PCSK1: variants seen among roughly 807,000 people sequenced by gnomAD.
PCSK1 encodes proprotein convertase subtilisin/kexin type 1, also known as neuroendocrine convertase 1.
In PCSK1, 56 loss-of-function variants were observed where a neutral mutation model predicts 90.6. The observed-to-expected ratio is 0.62, with a 90% CI of 0.50 to 0.77. The LOEUF (loss-of-function observed/expected upper bound fraction) is 0.77. PCSK1 is among the 30% of genes least tolerant of loss of function. The pLI, the probability that PCSK1 is intolerant of heterozygous loss-of-function variation, is 0.00. For missense variants in PCSK1, 801 were observed against 932.6 expected, an observed-to-expected ratio of 0.86 and a Z score of 1.84; for synonymous variants, 348 against 342.4, an observed-to-expected ratio of 1.02 and a Z score of -0.18.
chr5:96,390,671 G>T lies in PCSK1; in HGVS notation c.*2330C>A. The T allele has an allele frequency of 6.6e-6, 1 of 152,554 alleles. No individual in the cohort carries two copies. The allele number at this position is 152,554 out of a possible 1,614,324, so 9.5% of individuals were successfully genotyped here. On this transcript the variant is annotated 3_prime_UTR_variant, in exon 14 of 14. Transcript: ENST00000311106. ...TATTATGCTCTTTAAAATTCTGTTTGATAAAAGCATTGGTATATTATAAAT... is the reference window on the plus strand; with the variant it reads ...TATTATGCTCTTTAAAATTCTGTTTTATAAAAGCATTGGTATATTATAAAT...
intron 11 of PCSK1, 62 bp from the exon 12 acceptor site, chr5:96,397,531 C>CA: frequency 7.0e-7 from 1 of 1,420,938 alleles, no homozygotes; most frequent in Non-Finnish European, 9.9e-7. Context: ...TACACTCTAG[C>CA]ATCTGATAAC....
At chr5:96,432,013 TACCTATCGACCAAGCCTTC>T in intron 1 of PCSK1, 2 of 1,102,098 alleles carry the variant, frequency 1.8e-6, no homozygotes, top group East Asian at 5.1e-5. Flanking sequence ...TCCAACCAGC[TACCTATCGACCAAGCCTTC>T]ACTTGGACAG....
intron 9 of PCSK1, among the ~76,000 whole-genome samples, chr5:96,405,842 C>G (rs1171646273): frequency 6.6e-6 from 1 of 152,126 alleles, no homozygotes; most frequent in Non-Finnish European, 1.5e-5. Flanking sequence ...CTATATTGGT[C>G]ACTATACAAG....
At position 96,392,707 on chromosome 5, in the gene PCSK1, G is replaced by GT. The variant is rs1759986223; in HGVS notation, c.*293dup. ...GAATTGAAATGGGCTCTAATGCAGT[G>GT]TTCTAATGTAGTGTAAGAGCTTTTT... On this transcript the variant is annotated 3_prime_UTR_variant, in exon 14 of 14. Coordinates refer to ENST00000311106, the MANE Select transcript of PCSK1 (RefSeq NM_000439.5). The GT allele has an allele frequency of 2.2e-6, 1 of 448,584 alleles. No homozygotes were observed. The allele number at this position is 448,584 out of a possible 1,614,324, so 27.8% of individuals were successfully genotyped here. A position where few individuals can be genotyped will look rare whatever the true frequency, so the allele number is the denominator to read the frequency against.
intron 2 of PCSK1, among the ~76,000 whole-genome samples, chr5:96,428,933 A>T (rs1341192599): frequency 6.6e-6 from 1 of 152,122 alleles, no homozygotes; most frequent in Non-Finnish European, 1.5e-5. Flanking sequence ...TGAATTTGTG[A>T]GTGTACATAT....
Position 96,421,881 on chromosome 5 carries a change from TGTTCTC to T in PCSK1, c.613_618del (p.Glu205_Asn206del). Reference sequence around the variant, plus strand: ...TCACACAAATGCATATTTACTCACTTGTTCTCGTTTGTGGGATCATATCGGGGAAAT... The same window carrying T: ...TCACACAAATGCATATTTACTCACTTGTTTGTGGGATCATATCGGGGAAAT... On this transcript the variant is annotated inframe_deletion and splice_region_variant, in exon 5 of 14. Transcript: ENST00000311106. 1 of 1,499,030 alleles carries T rather than the reference TGTTCTC, an allele frequency of 6.7e-7. No homozygotes were observed. 92.9% of individuals were successfully genotyped at this position (1,499,030 alleles called of 1,614,324 possible). A position where few individuals can be genotyped will look rare whatever the true frequency, so the allele number is the denominator to read the frequency against.
chr5:96,431,330 CT>C (rs1561379653), intron 1 of PCSK1, among the ~76,000 whole-genome samples: 1 of 152,220 alleles, frequency 6.6e-6, no homozygotes, highest in Non-Finnish European at 1.5e-5. Context: ...CAACCTTTGA[CT>C]TCTGTTCCCG....
rs763233528 is a variant in PCSK1, at chr5:96,410,849, G to A, written c.1020C>T (p.Ser340=). The A allele has an allele frequency of 7.4e-6, 12 of 1,613,938 alleles. No homozygotes were observed. The highest frequency in any genetic ancestry group is 1.3e-5 in the African/African-American group (1 of 74,890). ...SISSASQQGL[S]PWYAEKCSST... ...AGGAGCACTTCTCAGCGTACCAGGGGGATAGGCCTTGCTGGGAGGCACTGC... is the reference window on the plus strand; with the variant it reads ...AGGAGCACTTCTCAGCGTACCAGGGAGATAGGCCTTGCTGGGAGGCACTGC... The change falls in exon 8 of 14, where the codon TCC becomes TCT. Residue 340 remains serine (S), a synonymous_variant. Coordinates refer to ENST00000311106, the MANE Select transcript of PCSK1 (RefSeq NM_000439.5).
At chr5:96,402,970 G>T (rs561538441) in intron 9 of PCSK1, among the ~76,000 whole-genome samples, 85 of 152,234 alleles carry the variant, frequency 5.6e-4, no homozygotes, top group Non-Finnish European at 1.1e-3. Context: ...AGGAGTTTTA[G>T]GTAAAAGCCT....
chr5:96,414,752 T>A (rs1179706520), intron 6 of PCSK1, among the ~76,000 whole-genome samples: 1 of 152,224 alleles, frequency 6.6e-6, no homozygotes, highest in Admixed American at 6.5e-5. Context: ...TTTCGTTCAT[T>A]ATGACTAAAA....
At position 96,402,605 on chromosome 5, in the gene PCSK1, C is replaced by G. The variant is rs528185098; in HGVS notation, c.1197-2419G>C. On this transcript the variant is annotated intron_variant, in intron 9 of 13. Coordinates refer to ENST00000311106, the MANE Select transcript of PCSK1 (RefSeq NM_000439.5). ...GCTCCCTCAGCAGTGAGATGACCCT[C>G]AAGTCTGTGCTGAGCCACTCAACCA... Among the ~76,000 whole-genome samples the G allele has an allele frequency of 3.3e-5, 5 of 152,332 alleles. No individual in the cohort carries two copies. The East Asian group carries it at 7.7e-4, about 24-fold the overall frequency.
Position 96,432,289 on chromosome 5 carries a change from G to A in PCSK1, c.180+574C>T, listed in dbSNP as rs566078459. ...TCCCCCCAGCTTCCCAGGCTACTCC[G>A]CGGCCTCCCAACCTCCTGGTCGCGA... On this transcript the variant is annotated intron_variant, in intron 1 of 13. Transcript: ENST00000311106. 1.8e-4 allele frequency: 119 copies of A among 654,218 alleles called. No individual in the cohort carries two copies. The African/African-American group carries it at 1.9e-3, about 11-fold the overall frequency. 40.5% of individuals were successfully genotyped at this position (654,218 alleles called of 1,614,324 possible). A position where few individuals can be genotyped will look rare whatever the true frequency, so the allele number is the denominator to read the frequency against.
intron 5 of PCSK1, among the ~76,000 whole-genome samples, chr5:96,419,821 A>G (rs1408239882): frequency 6.6e-6 from 1 of 152,136 alleles, no homozygotes; most frequent in Non-Finnish European, 1.5e-5. Context: ...ACTATTATAA[A>G]TGCTGTGCTG....
intron 2 of PCSK1, among the ~76,000 whole-genome samples, chr5:96,427,164 G>T (rs150925905): frequency 0.012 from 1,824 of 152,226 alleles, 17 homozygotes; most frequent in Non-Finnish European, 0.019. Flanking sequence ...TGATTTGAAA[G>T]AATATTATCC....
At position 96,407,483 on chromosome 5, in the gene PCSK1, A is replaced by G. The variant is rs187782231; in HGVS notation, c.1196+740T>C. Among the ~76,000 whole-genome samples the G allele has an allele frequency of 3.8e-4, 57 of 150,952 alleles. 1 individual carries two copies. The highest frequency in any genetic ancestry group is 1.9e-4 in the Non-Finnish European group (13 of 68,022). On this transcript the variant is annotated intron_variant, in intron 9 of 13. Coordinates refer to ENST00000311106, the MANE Select transcript of PCSK1 (RefSeq NM_000439.5). ...TTTGGAAACTGGCACTTTCACACATATATTCCTGGAGGGAATATAAAATGG... is the reference window on the plus strand; with the variant it reads ...TTTGGAAACTGGCACTTTCACACATGTATTCCTGGAGGGAATATAAAATGG...
chr5:96,425,009 AAAGAAAG>A (rs1200632565), intron 3 of PCSK1, among the ~76,000 whole-genome samples: 4 of 8,646 alleles, frequency 4.6e-4, no homozygotes, highest in East Asian at 0.011. Context: ...GAAAGAAAGA[AAAGAAAG>A]AAAGAAAGAA....
chr5:96,419,354 T>C (rs1389768504), intron 5 of PCSK1, among the ~76,000 whole-genome samples: 2 of 147,196 alleles, frequency 1.4e-5, no homozygotes, highest in African/African-American at 5.0e-5. Flanking sequence ...CCTAACTCAA[T>C]GAAGTATTAT....
chr5:96,397,267 C>T (rs542458696), intron 12 of PCSK1, 69 bp downstream of exon 12: 7 of 1,375,486 alleles, frequency 5.1e-6, no homozygotes, highest in Non-Finnish European at 7.2e-6. Flanking sequence ...ATGATGAAAT[C>T]AACCTTAAAA....
intron 6 of PCSK1, among the ~76,000 whole-genome samples, chr5:96,413,423 T>G (rs921185568): frequency 3.3e-5 from 5 of 152,212 alleles, no homozygotes; most frequent in African/African-American, 1.2e-4. Context: ...ATTTTCACAC[T>G]TATTTACTAT....
Sources: gnomAD v4.1 joint callset for allele counts (sites outside exome capture counted in the v4.1 genomes callset) on GRCh38, gnomAD v4.1.1 for gene constraint, MANE v1.5 for transcripts, NCBI Gene and HGNC (gene_info 2026-07-23, HGNC 2026-07-21) for gene names.